CACNA2D1: variants seen among roughly 807,000 people sequenced by gnomAD.
CACNA2D1 encodes the protein calcium voltage-gated channel auxiliary subunit alpha2delta 1.
In CACNA2D1, 53 loss-of-function variants were observed where a neutral mutation model predicts 171.5. That is an observed-to-expected ratio of 0.31 (90% CI 0.25 to 0.39). CACNA2D1 has a LOEUF of 0.39. Among genes scored for constraint, CACNA2D1 ranks in the 10% least tolerant of loss-of-function variants. CACNA2D1 has a pLI of 1.00. For missense variants in CACNA2D1, 903 were observed against 1,299.8 expected, an observed-to-expected ratio of 0.69 and a Z score of 4.69; for synonymous variants, 442 against 443.1, an observed-to-expected ratio of 1.00 and a Z score of 0.03.
At chr7:82,309,622 A>G (rs1585431792) in intron 3 of CACNA2D1, among the ~76,000 whole-genome samples, 1 of 152,250 alleles carries the variant, frequency 6.6e-6, no homozygotes, top group South Asian at 2.1e-4. Context: ...GATTCTTCCA[A>G]ATCCCTGTAA....
chr7:82,158,171 C>T (rs1563134441), intron 4 of CACNA2D1, among the ~76,000 whole-genome samples: 2 of 151,798 alleles, frequency 1.3e-5, no homozygotes, highest in African/African-American at 4.8e-5. Flanking sequence ...TTTGTACAAA[C>T]ATATGTAAAC....
intron 1 of CACNA2D1, among the ~76,000 whole-genome samples, chr7:82,394,275 G>A (rs373226059): frequency 2.8e-4 from 42 of 151,292 alleles, no homozygotes; most frequent in African/African-American, 9.7e-4. Context: ...ATAGAGCTTA[G>A]AAGAAAAATG....
chr7:82,122,898 T>C lies in CACNA2D1; in HGVS notation c.397-5725A>G, dbSNP rs557069473. Reference sequence around the variant, plus strand: ...CAAAATATTGCCAGGGCAAATGAGGTTTAAAACAACCTACCACCTTGAAAG... The same window carrying C: ...CAAAATATTGCCAGGGCAAATGAGGCTTAAAACAACCTACCACCTTGAAAG... On this transcript the variant is annotated intron_variant, in intron 5 of 38. Coordinates refer to ENST00000356860, the MANE Select transcript of CACNA2D1 (RefSeq NM_000722.4). Among the ~76,000 whole-genome samples, 4 of 152,216 alleles carry C rather than the reference T, an allele frequency of 2.6e-5. No homozygotes were observed. In the South Asian group the frequency reaches 6.2e-4, roughly 24 times the overall value.
intron 3 of CACNA2D1, among the ~76,000 whole-genome samples, chr7:82,219,495 A>T (rs1275035963): frequency 6.6e-6 from 1 of 152,070 alleles, no homozygotes; most frequent in African/African-American, 2.4e-5. Flanking sequence ...TTTAATATAT[A>T]AGAATTAAAA....
At chr7:82,257,410 A>G (rs1383024687) in intron 3 of CACNA2D1, among the ~76,000 whole-genome samples, 3 of 152,228 alleles carry the variant, frequency 2.0e-5, no homozygotes, top group African/African-American at 7.2e-5. Context: ...TTTCAGGGAA[A>G]AATGCATACG....
chr7:82,103,728 C>T (rs1367466369), intron 6 of CACNA2D1, among the ~76,000 whole-genome samples: 1 of 151,978 alleles, frequency 6.6e-6, no homozygotes, highest in Non-Finnish European at 1.5e-5. Context: ...CTTAGCACAT[C>T]CTTTCTGAGA....
intron 6 of CACNA2D1, among the ~76,000 whole-genome samples, chr7:82,116,537 G>C (rs1322643051): frequency 6.6e-6 from 1 of 152,094 alleles, no homozygotes; most frequent in Non-Finnish European, 1.5e-5. Flanking sequence ...TTGAGAGGAA[G>C]GTACTCTTTA....
At chr7:82,384,455 C>T (rs1431794743) in intron 1 of CACNA2D1, among the ~76,000 whole-genome samples, 1 of 152,096 alleles carries the variant, frequency 6.6e-6, no homozygotes, top group Non-Finnish European at 1.5e-5. Context: ...GAGTCGGCAC[C>T]TTATTCTTGG....
intron 38 of CACNA2D1, among the ~76,000 whole-genome samples, chr7:81,958,905 C>A (rs896383389): frequency 6.6e-6 from 1 of 151,720 alleles, no homozygotes; most frequent in Admixed American, 6.6e-5. Flanking sequence ...ACAGGTTTTT[C>A]AATTCACTGA....
At chr7:82,197,470 C>A (rs985361700) in intron 3 of CACNA2D1, among the ~76,000 whole-genome samples, 1 of 152,012 alleles carries the variant, frequency 6.6e-6, no homozygotes, top group African/African-American at 2.4e-5. Flanking sequence ...CATTATACCA[C>A]AAAAACTAGA....
At chr7:82,253,032 G>A (rs1386579908) in intron 3 of CACNA2D1, among the ~76,000 whole-genome samples, 1 of 152,134 alleles carries the variant, frequency 6.6e-6, no homozygotes, top group Non-Finnish European at 1.5e-5. Context: ...ACCAGCTGAG[G>A]AATAAAATTA....
chr7:82,181,621 A>G (rs1797149089), intron 3 of CACNA2D1, among the ~76,000 whole-genome samples: 1 of 152,214 alleles, frequency 6.6e-6, no homozygotes, highest in Admixed American at 6.5e-5. Flanking sequence ...CGTTCAAGGA[A>G]AAGTTTTAGA....
intron 3 of CACNA2D1, among the ~76,000 whole-genome samples, chr7:82,280,546 C>A (rs910973249): frequency 6.6e-6 from 1 of 152,126 alleles, no homozygotes; most frequent in Non-Finnish European, 1.5e-5. Context: ...ATGATCTTCA[C>A]CATTACATGA....
chr7:81,963,068 A>G (rs926794995), intron 34 of CACNA2D1, among the ~76,000 whole-genome samples: 1 of 151,746 alleles, frequency 6.6e-6, no homozygotes, highest in Non-Finnish European at 1.5e-5. Flanking sequence ...AATTTAGTTT[A>G]AAAAAAAGTG....
At chr7:82,305,236 T>C (rs555845990) in intron 3 of CACNA2D1, among the ~76,000 whole-genome samples, 10 of 152,286 alleles carry the variant, frequency 6.6e-5, no homozygotes, top group Admixed American at 6.5e-4. Context: ...TACAAAGTAT[T>C]TTGGCATAAC....
chr7:82,409,644 C>G (rs544357314), intron 1 of CACNA2D1, among the ~76,000 whole-genome samples: 1 of 152,312 alleles, frequency 6.6e-6, no homozygotes, highest in Admixed American at 6.5e-5. Context: ...AAATGTGTAT[C>G]TGTGGTATAA....
intron 1 of CACNA2D1, among the ~76,000 whole-genome samples, chr7:82,383,166 C>T (rs980810194): frequency 3.3e-5 from 5 of 152,160 alleles, no homozygotes; most frequent in Non-Finnish European, 7.4e-5. Context: ...GATCATAAGT[C>T]ATGTTAGGTA....
At chr7:82,021,009 A>G (rs1355901869) in intron 12 of CACNA2D1, 1 of 152,178 alleles carries the variant, frequency 6.6e-6, no homozygotes, top group African/African-American at 2.4e-5. Flanking sequence ...GGTGTATGAC[A>G]TATTTTCATA....
At chr7:82,210,341 C>G (rs1800431527) in intron 3 of CACNA2D1, among the ~76,000 whole-genome samples, 1 of 152,076 alleles carries the variant, frequency 6.6e-6, no homozygotes, top group Non-Finnish European at 1.5e-5. Context: ...ATGTCACTTT[C>G]GAAGGAATAA....
Sources: allele counts gnomAD v4.1 joint callset (sites outside exome capture counted in the v4.1 genomes callset), GRCh38; gene constraint gnomAD v4.1.1; transcripts MANE v1.5; gene names NCBI Gene and HGNC (gene_info 2026-07-23, HGNC 2026-07-21).